Variants in TMEM68 observed in about 807,000 individuals in gnomAD.
TMEM68 encodes DGAT1/2-independent enzyme synthesizing storage lipids.
TMEM68 carries 25 observed loss-of-function variants against 36.9 expected under a neutral mutation model. The observed-to-expected ratio is 0.68, with a 90% confidence interval of 0.49 to 0.95. The LOEUF is 0.95. TMEM68 is among the 40% of genes least tolerant of loss of function. TMEM68 has a pLI of 0.00. For synonymous variants in TMEM68, 131 were observed against 124.4 expected, an observed-to-expected ratio of 1.05 and a Z score of -0.35; for missense variants, 333 against 392.0, an observed-to-expected ratio of 0.85 and a Z score of 1.27.
chr8:55,743,465 AG>A lies in TMEM68; in HGVS notation c.888+15del. ...TAAAAATCTGTCCTAAAACTAAAAA[AG>A]AAAAAGCAATTTACCTTTTCAGCTA... On this transcript the variant is annotated intron_variant, in intron 7 of 7. Coordinates refer to ENST00000434581, the MANE Select transcript of TMEM68 (RefSeq NM_001286657.2). 1.3e-6 allele frequency: 2 copies of A among 1,512,618 alleles called. No homozygotes were observed. The highest frequency in any genetic ancestry group is 1.8e-6 in the Non-Finnish European group (2 of 1,140,948). The allele number at this position is 1,512,618 out of a possible 1,614,324, so 93.7% of individuals were successfully genotyped here.
intron 6 of TMEM68, among the ~76,000 whole-genome samples, chr8:55,744,455 G>A (rs1014610054): frequency 6.7e-6 from 1 of 149,828 alleles, no homozygotes; most frequent in East Asian, 2.0e-4. Context: ...ATAGGTGCCC[G>A]CCACCACACC....
intron 7 of TMEM68, 99 bp from the exon 8 acceptor site, chr8:55,740,317 C>T (rs145423581): frequency 6.1e-6 from 5 of 815,880 alleles, no homozygotes; most frequent in Middle Eastern, 2.4e-4. Flanking sequence ...CTTCTCAGTA[C>T]ACCTGAAGCT....
intron 7 of TMEM68, among the ~76,000 whole-genome samples, chr8:55,741,331 A>G (rs1810096022): frequency 6.6e-6 from 1 of 152,286 alleles, no homozygotes; most frequent in South Asian, 2.1e-4. Context: ...ATGAAACTGA[A>G]GGGACATCTT....
chr8:55,767,351 A>C (rs1811003537), intron 1 of TMEM68, among the ~76,000 whole-genome samples: 1 of 152,152 alleles, frequency 6.6e-6, no homozygotes, highest in African/African-American at 2.4e-5. Flanking sequence ...TGCTATCATC[A>C]TTATTATTCG....
At chr8:55,763,102 CAT>C in intron 2 of TMEM68, 74 bp from the exon 3 acceptor site, 1 of 816,788 alleles carries the variant, frequency 1.2e-6, no homozygotes, top group African/African-American at 1.7e-5. Flanking sequence ...ACTTAAATAG[CAT>C]ATAGAGTCAT....
At position 55,764,558 on chromosome 8, in the gene TMEM68, T is replaced by A. The variant is rs181892044; in HGVS notation, c.-114-578A>T. Among the ~76,000 whole-genome samples the A allele has an allele frequency of 4.5e-4, 68 of 152,260 alleles. 1 individual carries two copies. The highest frequency in any genetic ancestry group is 6.2e-4 in the Non-Finnish European group (42 of 68,026). On this transcript the variant is annotated intron_variant, in intron 1 of 7. Coordinates refer to ENST00000434581, the MANE Select transcript of TMEM68 (RefSeq NM_001286657.2). ...AGGAGATGTACATATAAGAAAAATG[T>A]ATTGTTTTTATTCTAAGATTATCTT...
intron 1 of TMEM68, among the ~76,000 whole-genome samples, chr8:55,765,021 G>A (rs752404982): frequency 2.0e-5 from 3 of 152,060 alleles, no homozygotes; most frequent in African/African-American, 4.8e-5. Context: ...GCAGCGAGCC[G>A]AGATTGCACC....
chr8:55,772,460 C>T (rs1230888518), intron 1 of TMEM68, among the ~76,000 whole-genome samples: 1 of 152,140 alleles, frequency 6.6e-6, no homozygotes, highest in Admixed American at 6.5e-5. Flanking sequence ...CTGCTGTTTC[C>T]ATTTTCTCCA....
chr8:55,772,614 C>A (rs530969605), intron 1 of TMEM68, among the ~76,000 whole-genome samples: 3 of 152,296 alleles, frequency 2.0e-5, no homozygotes, highest in African/African-American at 7.2e-5. Flanking sequence ...CGATTAAGCG[C>A]ACAAAGGAAA....
intron 3 of TMEM68, chr8:55,760,649 C>T (rs1031723352): frequency 1.3e-5 from 2 of 152,162 alleles, no homozygotes; most frequent in African/African-American, 4.8e-5. Flanking sequence ...ATAAAGACTT[C>T]AGTCTAAATT....
intron 7 of TMEM68, among the ~76,000 whole-genome samples, chr8:55,742,048 T>C (rs1392329039): frequency 6.6e-6 from 1 of 152,092 alleles, no homozygotes; most frequent in African/African-American, 2.4e-5. Flanking sequence ...AGAGTAAGAC[T>C]GTCTCAAAAA....
intron 1 of TMEM68, among the ~76,000 whole-genome samples, chr8:55,765,066 C>T: frequency 6.6e-6 from 1 of 152,086 alleles, no homozygotes; most frequent in Non-Finnish European, 1.5e-5. Flanking sequence ...GAGTGAAACT[C>T]CGTCTCAAAA....
chr8:55,763,236 T>C (rs939003679), intron 2 of TMEM68, among the ~76,000 whole-genome samples: 1 of 152,142 alleles, frequency 6.6e-6, no homozygotes, highest in African/African-American at 2.4e-5. Context: ...TTGAAATAAT[T>C]CACTATAATT....
intron 6 of TMEM68, among the ~76,000 whole-genome samples, chr8:55,744,096 A>T (rs979829995): frequency 2.6e-5 from 4 of 151,894 alleles, no homozygotes; most frequent in African/African-American, 9.7e-5. Context: ...AGTAACTTAG[A>T]TAAATAAAAG....
intron 5 of TMEM68, among the ~76,000 whole-genome samples, chr8:55,749,115 A>G (rs1441942201): frequency 6.6e-6 from 1 of 152,206 alleles, no homozygotes; most frequent in Non-Finnish European, 1.5e-5. Flanking sequence ...TATATCTGCT[A>G]TTTACTTTAC....
At chr8:55,748,332 T>C (rs1244470582) in intron 5 of TMEM68, among the ~76,000 whole-genome samples, 1 of 152,136 alleles carries the variant, frequency 6.6e-6, no homozygotes, top group Non-Finnish European at 1.5e-5. Flanking sequence ...CACACCCGAC[T>C]AACTTTTTTG....
In TMEM68 at chr8:55,746,317, C is replaced by CAAAAAAAAAA. The variant is rs376241142; in HGVS notation, c.688-1206_688-1197dup. 17 of 57,188 alleles carry CAAAAAAAAAA rather than the reference C, an allele frequency of 3.0e-4. 1 individual carries two copies. Among genetic ancestry groups the CAAAAAAAAAA allele is most frequent in the African/African-American group, 9.2e-4 (12 of 13,038 alleles). The allele number at this position is 57,188 out of a possible 1,614,324, so 3.5% of individuals were successfully genotyped here. Reference sequence around the variant, plus strand: ...GGCAATAGAGCGAGACACTGTCTCCCAAAAAAAAAAAAAAAAAAAAAAAAG... The same window carrying CAAAAAAAAAA: ...GGCAATAGAGCGAGACACTGTCTCCCAAAAAAAAAAAAAAAAAAAAAAAAAAAAAAAAAAG... On this transcript the variant is annotated intron_variant, in intron 5 of 7. Transcript: ENST00000434581.
At chr8:55,770,683 A>AG (rs930410036) in intron 1 of TMEM68, among the ~76,000 whole-genome samples, 1 of 152,208 alleles carries the variant, frequency 6.6e-6, no homozygotes, top group Non-Finnish European at 1.5e-5. Context: ...TCTCGGGGGC[A>AG]GGGGGGAACT....
At position 55,738,789 on chromosome 8, in the gene TMEM68, T is replaced by A. The variant is rs958755485; in HGVS notation, c.*1343A>T. Reference sequence around the variant, plus strand: ...TTCACATTGTTTAATTTTATGTACATTTCACATATCATAAATACACACAAT... The same window carrying A: ...TTCACATTGTTTAATTTTATGTACAATTCACATATCATAAATACACACAAT... On this transcript the variant is annotated 3_prime_UTR_variant, in exon 8 of 8. Coordinates refer to ENST00000434581, the MANE Select transcript of TMEM68 (RefSeq NM_001286657.2). The A allele has an allele frequency of 6.6e-6, 1 of 152,504 alleles. No homozygotes were observed. The highest frequency in any genetic ancestry group is 6.6e-5 in the Admixed American group (1 of 15,262). The allele number at this position is 152,504 out of a possible 1,614,324, so 9.4% of individuals were successfully genotyped here. A position where few individuals can be genotyped will look rare whatever the true frequency, so the allele number is the denominator to read the frequency against.
Sources: allele counts gnomAD v4.1 joint callset (sites outside exome capture counted in the v4.1 genomes callset), GRCh38; gene constraint gnomAD v4.1.1; transcripts MANE v1.5; gene names NCBI Gene and HGNC (gene_info 2026-07-23, HGNC 2026-07-21).